The following HEATR5A variants were observed in gnomAD, a reference collection of about 807,000 sequenced individuals.
HEATR5A encodes HEAT repeat containing 5A, also known as HEAT repeat-containing protein 5A.
HEATR5A carries 178 observed loss-of-function variants against 218.8 expected under a neutral mutation model. The ratio of observed to expected loss-of-function variants is 0.81; its 90% CI spans 0.72 to 0.92. The LOEUF is 0.92. HEATR5A is among the 40% of genes least tolerant of loss of function. The pLI is 0.00. For missense variants in HEATR5A, 2,420 were observed against 2,418.9 expected (o/e 1.00, Z -0.01); for synonymous variants, 864 against 871.6 (o/e 0.99, Z 0.15).
At position 31,309,193 on chromosome 14, in the gene HEATR5A, C is replaced by G. The variant is rs373546845; in HGVS notation, c.4442-11G>C. 1 of 1,605,970 alleles carries G rather than the reference C, an allele frequency of 6.2e-7. No individual in the cohort carries two copies. Among genetic ancestry groups the G allele is most frequent in the Non-Finnish European group, 8.5e-7 (1 of 1,175,166 alleles). On this transcript the variant is annotated splice_polypyrimidine_tract_variant and intron_variant, in intron 28 of 35. Coordinates refer to ENST00000543095, the MANE Select transcript of HEATR5A (RefSeq NM_015473.4). ...TGTAGAAAGCACCACCTAAAGCAAACAGTTTCAGGAAAAATAAGAGATTAA... is the reference window on the plus strand; with the variant it reads ...TGTAGAAAGCACCACCTAAAGCAAAGAGTTTCAGGAAAAATAAGAGATTAA...
At chr14:31,378,882 T>G (rs1040494059) in intron 11 of HEATR5A, among the ~76,000 whole-genome samples, 1 of 152,068 alleles carries the variant, frequency 6.6e-6, no homozygotes, top group Non-Finnish European at 1.5e-5. Context: ...TCAAATTACT[T>G]TATAGGTGTC....
chr14:31,375,346 T>C (rs540308174), intron 11 of HEATR5A, among the ~76,000 whole-genome samples: 1 of 152,316 alleles, frequency 6.6e-6, no homozygotes, highest in South Asian at 2.1e-4. Context: ...AAAGCTGTAA[T>C]GGACCACATA....
intron 16 of HEATR5A, among the ~76,000 whole-genome samples, chr14:31,356,965 T>C (rs527744985): frequency 6.0e-4 from 91 of 152,346 alleles, no homozygotes; most frequent in Middle Eastern, 3.4e-3. Flanking sequence ...ACAGTAGTTA[T>C]TGGTATATTA....
At chr14:31,303,195 G>A (rs1175728999) in intron 32 of HEATR5A, among the ~76,000 whole-genome samples, 1 of 152,122 alleles carries the variant, frequency 6.6e-6, no homozygotes, top group African/African-American at 2.4e-5. Context: ...AGCACTTTGG[G>A]AGGCCAAGGC....
intron 16 of HEATR5A, 43 bp from the exon 17 acceptor site, chr14:31,350,760 TTTTG>T (rs10602248): frequency 0.84 from 571,777 of 680,658 alleles, 249,838 homozygotes; most frequent in Non-Finnish European, 0.87. Flanking sequence ...GTAGGTAAGT[TTTTG>T]TTTGTTTGTT....
chr14:31,398,017 A>G (rs1011244891), intron 4 of HEATR5A, among the ~76,000 whole-genome samples: 40 of 152,316 alleles, frequency 2.6e-4, no homozygotes, highest in African/African-American at 9.4e-4. Context: ...ACCTTTTGCT[A>G]AACAAACATA....
At chr14:31,419,073 G>C (rs2031553357) in intron 1 of HEATR5A, among the ~76,000 whole-genome samples, 1 of 152,054 alleles carries the variant, frequency 6.6e-6, no homozygotes, top group Non-Finnish European at 1.5e-5. Context: ...TACTAAAAAA[G>C]TGACCTAATC....
chr14:31,302,536 T>A lies in HEATR5A; in HGVS notation c.5240-17A>T, dbSNP rs781545541. 7 of 1,487,136 alleles carry A rather than the reference T, an allele frequency of 4.7e-6. No homozygotes were observed. Among genetic ancestry groups the A allele is most frequent in the Non-Finnish European group, 6.4e-6 (7 of 1,087,542 alleles). 92.1% of individuals were successfully genotyped at this position (1,487,136 alleles called of 1,614,324 possible). ...AGATGCTTCCTGTAAGATACATTTT[T>A]TAAAAACACACTGGATTTCAACCTA... is the stretch of plus-strand genomic sequence containing the variant. On this transcript the variant is annotated splice_polypyrimidine_tract_variant and intron_variant, in intron 32 of 35. Transcript: ENST00000543095.
At chr14:31,381,800 A>C (rs1283302293) in intron 10 of HEATR5A, among the ~76,000 whole-genome samples, 1 of 152,182 alleles carries the variant, frequency 6.6e-6, no homozygotes, top group Non-Finnish European at 1.5e-5. Flanking sequence ...AAAGGGGTCC[A>C]TGTTATAAAA....
chr14:31,299,692 C>T (rs1899303598), intron 33 of HEATR5A, among the ~76,000 whole-genome samples: 1 of 151,386 alleles, frequency 6.6e-6, no homozygotes. Context: ...CATTGCACTC[C>T]AGCCTGGGCA....
At chr14:31,372,895 T>C (rs1481288972) in intron 12 of HEATR5A, among the ~76,000 whole-genome samples, 1 of 151,090 alleles carries the variant, frequency 6.6e-6, no homozygotes, top group Non-Finnish European at 1.5e-5. Context: ...TCCCTCTCTC[T>C]CTCTCTCCCT....
At chr14:31,412,978 G>A (rs537352740) in intron 1 of HEATR5A, among the ~76,000 whole-genome samples, 4 of 152,098 alleles carry the variant, frequency 2.6e-5, no homozygotes, top group South Asian at 2.1e-4. Flanking sequence ...TTTGATTTAC[G>A]GAATTCTGAA....
chr14:31,316,788 G>A (rs1809241729), intron 26 of HEATR5A, among the ~76,000 whole-genome samples: 1 of 152,042 alleles, frequency 6.6e-6, no homozygotes, highest in Non-Finnish European at 1.5e-5. Context: ...ACCTCCACAG[G>A]GGGATCCTCC....
chr14:31,387,051 A>C, intron 8 of HEATR5A, 69 bp downstream of exon 8: 2 of 1,454,340 alleles, frequency 1.4e-6, no homozygotes, highest in Non-Finnish European at 1.9e-6. Flanking sequence ...ATTATATATC[A>C]GTCTAGCTTT....
intron 32 of HEATR5A, among the ~76,000 whole-genome samples, chr14:31,302,967 G>A: frequency 6.8e-6 from 1 of 147,806 alleles, no homozygotes; most frequent in Admixed American, 6.8e-5. Flanking sequence ...AAAAAAAATG[G>A]CTGGGATGGT....
intron 1 of HEATR5A, among the ~76,000 whole-genome samples, chr14:31,417,932 G>A (rs988531373): frequency 2.6e-5 from 4 of 152,126 alleles, no homozygotes; most frequent in South Asian, 2.1e-4. Flanking sequence ...GAGGCTGGGC[G>A]CAGTGGCTCA....
At chr14:31,323,484 T>C in intron 24 of HEATR5A, 81 bp downstream of exon 24, 1 of 1,133,298 alleles carries the variant, frequency 8.8e-7, no homozygotes, top group Non-Finnish European at 1.2e-6. Context: ...AAAAAATATT[T>C]TAATATTTTA....
intron 22 of HEATR5A, among the ~76,000 whole-genome samples, chr14:31,335,880 C>T (rs1196966041): frequency 2.0e-5 from 3 of 151,990 alleles, no homozygotes; most frequent in Non-Finnish European, 1.5e-5. Context: ...GTCTCGAACT[C>T]CTGACCTCCG....
intron 21 of HEATR5A, among the ~76,000 whole-genome samples, chr14:31,339,633 G>C (rs2139198440): frequency 6.6e-6 from 1 of 152,082 alleles, no homozygotes; most frequent in East Asian, 1.9e-4. Context: ...ACCCAGGATA[G>C]AGTGCTGGAA....
Sources: gnomAD v4.1 joint callset for allele counts (sites outside exome capture counted in the v4.1 genomes callset) on GRCh38, gnomAD v4.1.1 for gene constraint, MANE v1.5 for transcripts, NCBI Gene and HGNC (gene_info 2026-07-23, HGNC 2026-07-21) for gene names.